The following MKLN1 variants were observed in gnomAD, a reference collection of about 807,000 sequenced individuals.
MKLN1 encodes muskelin 1.
In MKLN1, 18 loss-of-function variants were observed where a neutral mutation model predicts 99.0. The ratio of observed to expected loss-of-function variants is 0.18; its 90% CI spans 0.13 to 0.27. The LOEUF (loss-of-function observed/expected upper bound fraction) is 0.27, where lower values mean the gene tolerates loss of function less well. MKLN1 is among the 10% of genes least tolerant of loss of function. MKLN1 has a pLI of 1.00. For synonymous variants in MKLN1, 288 were observed against 293.2 expected, an observed-to-expected ratio of 0.98 and a Z score of 0.18; for missense variants, 621 against 875.9, an observed-to-expected ratio of 0.71 and a Z score of 3.67.
At chr7:131,311,596 T>G (rs956132378) in intron 3 of MKLN1, among the ~76,000 whole-genome samples, 4 of 152,326 alleles carry the variant, frequency 2.6e-5, no homozygotes, top group African/African-American at 9.6e-5. Flanking sequence ...ATACTTAATT[T>G]TAGAATTTGA....
rs185509970 is a variant in MKLN1 at position 131,123,646 on chromosome 7, G to A, written c.-419+13439G>A. 2.0e-5 allele frequency among the ~76,000 whole-genome samples: 3 copies of A among 152,280 alleles called. 1 individual carries two copies. In the East Asian group the frequency reaches 5.8e-4, roughly 29 times the overall value. On this transcript the variant is annotated intron_variant, in intron 1 of 7. Coordinates refer to the MKLN1 transcript ENST00000416992. The stretch of plus-strand genomic sequence containing the variant: ...CTAGTAAAAATACAAAAATTAGCCA[G>A]GCATGGTGGCAGGCACCTGTAATCC...
intron 8 of MKLN1, among the ~76,000 whole-genome samples, chr7:131,415,435 A>G (rs1350549663): frequency 6.6e-6 from 1 of 152,276 alleles, no homozygotes; most frequent in South Asian, 2.1e-4. Flanking sequence ...CTCATATTCT[A>G]AAATAATTAA....
intron 2 of MKLN1, among the ~76,000 whole-genome samples, chr7:131,145,487 A>G (rs1403765305): frequency 2.0e-5 from 3 of 152,230 alleles, no homozygotes; most frequent in Non-Finnish European, 2.9e-5. Flanking sequence ...ATCAGACCAC[A>G]TTTATTGTGT....
intron 11 of MKLN1, among the ~76,000 whole-genome samples, chr7:131,444,610 G>A (rs186997918): frequency 1.3e-5 from 2 of 151,642 alleles, no homozygotes; most frequent in African/African-American, 4.8e-5. Flanking sequence ...CGACTGGAGC[G>A]CAGATCGTAG....
chr7:131,415,616 A>AT (rs1157093693), intron 8 of MKLN1, among the ~76,000 whole-genome samples: 1 of 152,166 alleles, frequency 6.6e-6, no homozygotes, highest in African/African-American at 2.4e-5. Context: ...GAAAAGGTTC[A>AT]TTTTTAAGGT....
chr7:131,477,910 A>G (rs1797012004), intron 16 of MKLN1, among the ~76,000 whole-genome samples: 1 of 152,206 alleles, frequency 6.6e-6, no homozygotes, highest in African/African-American at 2.4e-5. Context: ...ATAAATACAA[A>G]TAGTTCTCCA....
intron 3 of MKLN1, among the ~76,000 whole-genome samples, chr7:131,265,183 G>C (rs958937520): frequency 6.6e-6 from 1 of 152,052 alleles, no homozygotes; most frequent in African/African-American, 2.4e-5. Flanking sequence ...TGGGTAAGGA[G>C]GGGGCAAAAG....
intron 1 of MKLN1, among the ~76,000 whole-genome samples, chr7:131,374,190 A>C (rs1793561852): frequency 6.6e-6 from 1 of 151,808 alleles, no homozygotes; most frequent in South Asian, 2.1e-4. Flanking sequence ...GTATTCCCTT[A>C]CCTGGCTCTG....
chr7:131,196,214 T>C (rs1796642560), intron 2 of MKLN1, among the ~76,000 whole-genome samples: 1 of 152,230 alleles, frequency 6.6e-6, no homozygotes. Flanking sequence ...GGAAGCTGGA[T>C]GAGATGTTTC....
intron 2 of MKLN1, among the ~76,000 whole-genome samples, chr7:131,172,711 A>C (rs1253555700): frequency 1.3e-5 from 2 of 152,230 alleles, no homozygotes; most frequent in Non-Finnish European, 2.9e-5. Context: ...AAGCCACGGA[A>C]CTGTCTCCTA....
At chr7:131,369,486 A>G (rs1452813351) in intron 1 of MKLN1, among the ~76,000 whole-genome samples, 5 of 152,060 alleles carry the variant, frequency 3.3e-5, no homozygotes, top group Non-Finnish European at 7.4e-5. Context: ...TTTTTTGGTC[A>G]TAGTTTATTG....
chr7:131,258,558 A>G (rs1319255338), intron 3 of MKLN1, among the ~76,000 whole-genome samples: 1 of 152,240 alleles, frequency 6.6e-6, no homozygotes, highest in East Asian at 1.9e-4. Context: ...AACCCAGGAA[A>G]GAAACTGCGG....
chr7:131,268,418 T>C (rs549641715), intron 3 of MKLN1, among the ~76,000 whole-genome samples: 1 of 152,330 alleles, frequency 6.6e-6, no homozygotes, highest in African/African-American at 2.4e-5. Context: ...CCTCCAAATT[T>C]CAATGGTTTG....
At chr7:131,164,038 CCT>C (rs1440499132) in intron 2 of MKLN1, among the ~76,000 whole-genome samples, 2 of 152,062 alleles carry the variant, frequency 1.3e-5, no homozygotes, top group Non-Finnish European at 2.9e-5. Flanking sequence ...ATGTTTAAAC[CCT>C]CTCATATTAT....
At chr7:131,263,272 C>T (rs903511329) in intron 3 of MKLN1, among the ~76,000 whole-genome samples, 9 of 151,140 alleles carry the variant, frequency 6.0e-5, no homozygotes, top group South Asian at 2.1e-4. Flanking sequence ...TTTGGGAGGC[C>T]GAGACAGGAT....
At chr7:131,152,501 CTTTT>C (rs5887498) in intron 2 of MKLN1, among the ~76,000 whole-genome samples, 2 of 126,264 alleles carry the variant, frequency 1.6e-5, no homozygotes, top group Admixed American at 7.9e-5. Flanking sequence ...TTCTTTTTTT[CTTTT>C]TTTTTTTTTT....
At chr7:131,412,777 T>G (rs1009454165) in intron 7 of MKLN1, among the ~76,000 whole-genome samples, 1 of 152,216 alleles carries the variant, frequency 6.6e-6, no homozygotes, top group South Asian at 2.1e-4. Flanking sequence ...GGAAGGCAGT[T>G]CTATGGATAC....
At chr7:131,259,056 C>T (rs935875864) in intron 3 of MKLN1, among the ~76,000 whole-genome samples, 1 of 152,106 alleles carries the variant, frequency 6.6e-6, no homozygotes. Context: ...ACTGCCTACA[C>T]TTTGGCTTTG....
intron 1 of MKLN1, among the ~76,000 whole-genome samples, chr7:131,128,626 T>C (rs1358251233): frequency 6.6e-6 from 1 of 152,212 alleles, no homozygotes. Flanking sequence ...TGAGAAATTC[T>C]AGATTTTTTT....
Sources: allele counts gnomAD v4.1 joint callset (sites outside exome capture counted in the v4.1 genomes callset), GRCh38; gene constraint gnomAD v4.1.1; transcripts MANE v1.5; gene names NCBI Gene and HGNC (gene_info 2026-07-23, HGNC 2026-07-21).